SERINC5: variants seen among roughly 807,000 people sequenced by gnomAD.
SERINC5 encodes the protein chromosome 5 open reading frame 12.
SERINC5 carries 41 observed loss-of-function variants against 63.1 expected under a neutral mutation model. The ratio of observed to expected loss-of-function variants is 0.65; its 90% CI spans 0.51 to 0.84. The LOEUF is 0.84. Among genes scored for constraint, SERINC5 ranks in the 40% least tolerant of loss-of-function variants. The pLI is 0.00. For missense variants in SERINC5, 523 were observed against 573.0 expected (o/e 0.91, Z 0.89); for synonymous variants, 222 against 215.2 (o/e 1.03, Z -0.28).
intron 1 of SERINC5, among the ~76,000 whole-genome samples, chr5:80,222,762 T>C (rs1265636336): frequency 6.6e-6 from 1 of 151,960 alleles, no homozygotes; most frequent in Non-Finnish European, 1.5e-5. Flanking sequence ...TTAGTAGAGA[T>C]GGGATTTCAC....
At chr5:80,159,550 T>G (rs913708664) in intron 7 of SERINC5, among the ~76,000 whole-genome samples, 2 of 152,156 alleles carry the variant, frequency 1.3e-5, no homozygotes, top group African/African-American at 4.8e-5. Flanking sequence ...AAATGGTGTC[T>G]TTTTATATGT....
At chr5:80,153,473 G>T (rs201618654) in intron 8 of SERINC5, among the ~76,000 whole-genome samples, 1 of 145,778 alleles carries the variant, frequency 6.9e-6, no homozygotes, top group Non-Finnish European at 1.5e-5. Context: ...ATCAAGAAAA[G>T]GTTTTTTTTT....
chr5:80,251,260 G>A (rs548922057), intron 1 of SERINC5, among the ~76,000 whole-genome samples: 1 of 150,100 alleles, frequency 6.7e-6, no homozygotes, highest in South Asian at 2.1e-4. Context: ...GCCTGGGCAA[G>A]AGCTAGATCC....
intron 1 of SERINC5, among the ~76,000 whole-genome samples, chr5:80,235,103 C>T (rs1034814879): frequency 2.6e-5 from 4 of 152,178 alleles, no homozygotes; most frequent in Admixed American, 6.5e-5. Context: ...CTCCTCTGGG[C>T]CCTTGGGAAC....
At chr5:80,212,816 C>T (rs1199815536) in intron 1 of SERINC5, among the ~76,000 whole-genome samples, 1 of 152,162 alleles carries the variant, frequency 6.6e-6, no homozygotes, top group African/African-American at 2.4e-5. Flanking sequence ...TTTTACTGAA[C>T]AAACAGTGTA....
intron 5 of SERINC5, among the ~76,000 whole-genome samples, chr5:80,173,673 A>C (rs1261118499): frequency 3.3e-5 from 5 of 151,486 alleles, no homozygotes; most frequent in African/African-American, 1.2e-4. Flanking sequence ...CCCCTCCCCC[A>C]CCCACCTCCA....
rs1442855046 is a variant in SERINC5 at position 80,178,081 on chromosome 5, GAA to G, written c.196-19_196-18del. 1 of 1,570,598 alleles carries G rather than the reference GAA, an allele frequency of 6.4e-7. No individual in the cohort carries two copies. Among genetic ancestry groups the G allele is most frequent in the African/African-American group, 1.4e-5 (1 of 73,286 alleles). On this transcript the variant is annotated intron_variant, in intron 2 of 11. Coordinates refer to ENST00000507668, the MANE Select transcript of SERINC5 (RefSeq NM_001174072.3). ...AAAAGGAATCTGAGGAGAAAGTTTA[GAA>G]AAGTCATCTGTTACAACTGAGTGAG... is the stretch of plus-strand genomic sequence containing the variant.
intron 7 of SERINC5, among the ~76,000 whole-genome samples, chr5:80,163,381 C>A (rs1458533145): frequency 6.6e-6 from 1 of 152,106 alleles, no homozygotes; most frequent in Non-Finnish European, 1.5e-5. Context: ...GGTGAATAGG[C>A]ATGGTGAAGG....
At chr5:80,115,388 C>G (rs774796996) in intron 11 of SERINC5, among the ~76,000 whole-genome samples, 1 of 152,004 alleles carries the variant, frequency 6.6e-6, no homozygotes, top group African/African-American at 2.4e-5. Context: ...CTCTAATATT[C>G]CTCATTTACT....
intron 1 of SERINC5, among the ~76,000 whole-genome samples, chr5:80,207,022 G>A (rs184110053): frequency 1.3e-4 from 20 of 151,240 alleles, no homozygotes; most frequent in African/African-American, 3.9e-4. Context: ...TTTTTTAGAC[G>A]GAGTCTCACT....
chr5:80,249,366 G>C (rs566501622), intron 1 of SERINC5, among the ~76,000 whole-genome samples: 2 of 151,682 alleles, frequency 1.3e-5, no homozygotes, highest in East Asian at 3.9e-4. Flanking sequence ...ATCTACATAT[G>C]AATGTAAACC....
intron 1 of SERINC5, among the ~76,000 whole-genome samples, chr5:80,212,663 GGT>G (rs1479955388): frequency 0.12 from 14,110 of 115,904 alleles, 423 homozygotes; most frequent in East Asian, 0.4. Flanking sequence ...GCAGTGGTGG[GGT>G]GGGGGGGGGG....
chr5:80,255,416 G>A (rs1752613102), intron 1 of SERINC5, among the ~76,000 whole-genome samples: 1 of 152,096 alleles, frequency 6.6e-6, no homozygotes, highest in Non-Finnish European at 1.5e-5. Context: ...CAGAGCCCAC[G>A]CTCGACTACG....
intron 2 of SERINC5, 146 bp downstream of exon 2, chr5:80,202,740 T>C (rs1020783822): frequency 1.3e-5 from 8 of 624,736 alleles, no homozygotes; most frequent in African/African-American, 5.5e-5. Flanking sequence ...CTGGAAAGCA[T>C]AGAGCAGGCT....
Position 80,169,200 on chromosome 5 carries a change from CT to C in SERINC5, c.763+134del, listed in dbSNP as rs1747488855. ...AGAGACTGGAGCCCCACCTTGCCTA[CT>C]GCTGACACATCCACAGTAAGTTAAG... On this transcript the variant is annotated intron_variant, in intron 6 of 11. Transcript: ENST00000507668. The C allele has an allele frequency of 8.7e-6, 6 of 692,470 alleles. No individual in the cohort carries two copies. The South Asian group carries it at 1.2e-4, about 13-fold the overall frequency. The allele number at this position is 692,470 out of a possible 1,614,324, so 42.9% of individuals were successfully genotyped here.
chr5:80,176,016 TAAA>T (rs962299949), intron 4 of SERINC5, among the ~76,000 whole-genome samples: 6 of 151,770 alleles, frequency 4.0e-5, no homozygotes, highest in African/African-American at 1.5e-4. Context: ...CCGTCTCTAC[TAAA>T]AATACAAAAA....
intron 11 of SERINC5, among the ~76,000 whole-genome samples, chr5:80,145,744 A>G (rs1372316948): frequency 6.6e-6 from 1 of 151,952 alleles, no homozygotes; most frequent in Middle Eastern, 3.2e-3. Context: ...AAAACTCAGA[A>G]CTCGCTTGTA....
intron 1 of SERINC5, among the ~76,000 whole-genome samples, chr5:80,209,009 G>T (rs540844990): frequency 6.6e-6 from 1 of 152,164 alleles, no homozygotes; most frequent in Non-Finnish European, 1.5e-5. Flanking sequence ...GGTGGATCAC[G>T]CATGTAATCC....
chr5:80,197,410 C>T (rs187766575), intron 2 of SERINC5, among the ~76,000 whole-genome samples: 3 of 135,942 alleles, frequency 2.2e-5, no homozygotes, highest in East Asian at 2.2e-4. Flanking sequence ...TCCATTTATA[C>T]GAAATGTCTA....
Sources: allele counts gnomAD v4.1 joint callset (sites outside exome capture counted in the v4.1 genomes callset), GRCh38; gene constraint gnomAD v4.1.1; transcripts MANE v1.5; gene names NCBI Gene and HGNC (gene_info 2026-07-23, HGNC 2026-07-21).